TRAPPC9: variants seen among roughly 807,000 people sequenced by gnomAD.
TRAPPC9 encodes the protein trafficking protein particle complex subunit 9.
TRAPPC9 carries 83 observed loss-of-function variants against 124.0 expected under a neutral mutation model. The observed-to-expected ratio is 0.67, with a 90% CI of 0.56 to 0.80. The LOEUF is 0.80. TRAPPC9 is among the 30% of genes least tolerant of loss of function. The probability of loss-of-function intolerance (pLI) is 0.00; values close to 1 mark genes in which losing one functional copy is unlikely to be tolerated. For missense variants in TRAPPC9, 1,302 were observed against 1,508.3 expected, an observed-to-expected ratio of 0.86 and a Z score of 2.27; for synonymous variants, 638 against 617.5, an observed-to-expected ratio of 1.03 and a Z score of -0.49.
chr8:139,905,527 C>T (rs1383325194), intron 20 of TRAPPC9, among the ~76,000 whole-genome samples: 3 of 152,064 alleles, frequency 2.0e-5, no homozygotes, highest in Admixed American at 1.3e-4. Context: ...CCTTGCTGTC[C>T]CCACTTCATG....
At chr8:139,903,135 G>A (rs1221791780) in intron 20 of TRAPPC9, among the ~76,000 whole-genome samples, 1 of 152,146 alleles carries the variant, frequency 6.6e-6, no homozygotes. Context: ...CCCCTGTACT[G>A]AGATCATGGT....
chr8:140,105,832 C>G (rs1235870463), intron 17 of TRAPPC9, among the ~76,000 whole-genome samples: 1 of 152,084 alleles, frequency 6.6e-6, no homozygotes, highest in East Asian at 1.9e-4. Context: ...TCTCAGAACA[C>G]CAGAGGGTCT....
At chr8:140,085,331 T>C (rs947931417) in intron 17 of TRAPPC9, among the ~76,000 whole-genome samples, 38 of 94,460 alleles carry the variant, frequency 4.0e-4, no homozygotes, top group African/African-American at 1.8e-3. Flanking sequence ...GAAAGAATCT[T>C]ACTGTTTAAA....
chr8:139,738,998 A>C (rs1818384173), intron 21 of TRAPPC9, among the ~76,000 whole-genome samples: 1 of 152,140 alleles, frequency 6.6e-6, no homozygotes, highest in Non-Finnish European at 1.5e-5. Context: ...GCCCGCCCCC[A>C]GCTTCTGAAA....
chr8:140,150,482 A>C (rs2061527657), intron 17 of TRAPPC9, among the ~76,000 whole-genome samples: 1 of 152,192 alleles, frequency 6.6e-6, no homozygotes, highest in African/African-American at 2.4e-5. Flanking sequence ...TAATCATTGA[A>C]CCTCATGTGT....
At chr8:140,399,811 G>C (rs1219795421) in intron 6 of TRAPPC9, among the ~76,000 whole-genome samples, 2 of 152,156 alleles carry the variant, frequency 1.3e-5, no homozygotes, top group Admixed American at 1.3e-4. Flanking sequence ...GAGGACATGA[G>C]ATTTGAGGGG....
At chr8:140,451,474 C>T in intron 1 of TRAPPC9, 91 bp from the exon 2 acceptor site, 1 of 1,109,822 alleles carries the variant, frequency 9.0e-7, no homozygotes, top group South Asian at 1.3e-5. Flanking sequence ...CCTTCACTAC[C>T]CAGAGGCAGG....
chr8:140,254,980 G>A (rs1324402331), intron 15 of TRAPPC9, among the ~76,000 whole-genome samples: 2 of 152,184 alleles, frequency 1.3e-5, no homozygotes, highest in African/African-American at 2.4e-5. Flanking sequence ...AAAAAGATAC[G>A]TGGTGTGCTA....
chr8:140,282,760 T>A (rs2065363549), intron 14 of TRAPPC9, among the ~76,000 whole-genome samples: 1 of 152,226 alleles, frequency 6.6e-6, no homozygotes, highest in African/African-American at 2.4e-5. Context: ...ATATATGATG[T>A]CATGTAATCT....
chr8:140,173,973 C>T (rs920416303), intron 17 of TRAPPC9, among the ~76,000 whole-genome samples: 20 of 152,104 alleles, frequency 1.3e-4, no homozygotes, highest in African/African-American at 4.6e-4. Context: ...TGGCAAATAC[C>T]AAGTGCCTAG....
rs116823893 is a variant in TRAPPC9, at chr8:139,796,969, T to G, written c.3056-64767A>C. 6.2e-3 allele frequency among the ~76,000 whole-genome samples: 952 copies of G among 152,350 alleles called. 9 individuals are homozygous for G. The highest frequency in any genetic ancestry group is 0.022 in the African/African-American group (906 of 41,586). On this transcript the variant is annotated intron_variant, in intron 21 of 22. Transcript: ENST00000438773. ...GGTGAAAAGCAGTATCTCATTGTGGTTTTGATTTGCATTTCCCAAATGACT... is the reference window on the plus strand; with the variant it reads ...GGTGAAAAGCAGTATCTCATTGTGGGTTTGATTTGCATTTCCCAAATGACT...
chr8:139,906,364 A>G (rs1831364820), intron 20 of TRAPPC9, among the ~76,000 whole-genome samples: 1 of 151,944 alleles, frequency 6.6e-6, no homozygotes, highest in Non-Finnish European at 1.5e-5. Flanking sequence ...CCCATCTCAG[A>G]ATGGGAGAAG....
intron 18 of TRAPPC9, among the ~76,000 whole-genome samples, chr8:140,019,999 A>AT (rs201502129): frequency 0.022 from 3,279 of 150,890 alleles, 141 homozygotes; most frequent in African/African-American, 0.075. Context: ...CACCCGGCTA[A>AT]TTTTTTTTAA....
At chr8:139,848,357 G>A (rs1827233644) in intron 21 of TRAPPC9, among the ~76,000 whole-genome samples, 2 of 152,190 alleles carry the variant, frequency 1.3e-5, no homozygotes, top group African/African-American at 4.8e-5. Flanking sequence ...ATACACACAT[G>A]CATGAGAGAC....
intron 21 of TRAPPC9, among the ~76,000 whole-genome samples, chr8:139,840,897 G>C (rs1442429810): frequency 6.6e-6 from 1 of 152,282 alleles, no homozygotes; most frequent in East Asian, 1.9e-4. Context: ...CATTCCTGTA[G>C]CCAGCCCTTC....
chr8:139,912,322 C>T (rs1489526264), intron 19 of TRAPPC9, among the ~76,000 whole-genome samples: 1 of 152,132 alleles, frequency 6.6e-6, no homozygotes, highest in Middle Eastern at 3.2e-3. Flanking sequence ...AATATTTTCC[C>T]ATCGCTAAAA....
chr8:140,070,409 TA>T (rs767421824), intron 17 of TRAPPC9, among the ~76,000 whole-genome samples: 9 of 152,200 alleles, frequency 5.9e-5, no homozygotes, highest in Admixed American at 1.3e-4. Context: ...GGAATTAATG[TA>T]AAAAAATCCA....
At chr8:139,955,532 A>C (rs2665922) in intron 19 of TRAPPC9, among the ~76,000 whole-genome samples, 135,777 of 152,146 alleles carry the variant, frequency 0.89, 60,739 homozygotes, top group Middle Eastern at 0.99. Flanking sequence ...AACCCCACTG[A>C]TGCAAATGCT....
intron 21 of TRAPPC9, among the ~76,000 whole-genome samples, chr8:139,796,407 G>C (rs1823099973): frequency 6.6e-6 from 1 of 152,168 alleles, no homozygotes; most frequent in Non-Finnish European, 1.5e-5. Flanking sequence ...TGATGCATCA[G>C]ACGCCTCCCC....
Sources: allele counts gnomAD v4.1 joint callset (sites outside exome capture counted in the v4.1 genomes callset), GRCh38; gene constraint gnomAD v4.1.1; transcripts MANE v1.5; gene names NCBI Gene and HGNC (gene_info 2026-07-23, HGNC 2026-07-21).